The following KLF8 variants were observed in gnomAD, a reference collection of about 807,000 sequenced individuals.
The protein encoded by KLF8 is KLF transcription factor 8, also known as Krueppel-like factor 8.
In KLF8, 10 loss-of-function variants were observed where a neutral mutation model predicts 18.2. The observed-to-expected ratio is 0.55, with a 90% CI of 0.34 to 0.93. The LOEUF is 0.93. Among genes scored for constraint, KLF8 ranks in the 40% least tolerant of loss-of-function variants. KLF8 has a pLI of 0.02. For synonymous variants in KLF8, 109 were observed against 97.3 expected (o/e 1.12, Z -0.71); for missense variants, 264 against 277.9 (o/e 0.95, Z 0.36).
the KLF8 span, among the ~76,000 whole-genome samples, chrX:56,076,269 T>G: frequency 1.9e-5 from 2 of 105,632 alleles, no homozygotes; most frequent in East Asian, 6.0e-4. Context: ...TAGGTATATC[T>G]CCCAATGCTA....
chrX:55,968,748 T>C, the KLF8 span, among the ~76,000 whole-genome samples: 1 of 112,089 alleles, frequency 8.9e-6, no homozygotes, highest in African/African-American at 3.2e-5. Flanking sequence ...CTGCCATGAT[T>C]GTGAGGCCTC....
At chrX:56,190,414 C>G in the KLF8 span, among the ~76,000 whole-genome samples, 15 of 111,724 alleles carry the variant, frequency 1.3e-4, no homozygotes, top group African/African-American at 4.5e-4. Context: ...CAGTATTAGA[C>G]AGATGTTCCA....
At chrX:55,947,546 G>C in the KLF8 span, among the ~76,000 whole-genome samples, 5 of 108,279 alleles carry the variant, frequency 4.6e-5, no homozygotes, top group African/African-American at 1.7e-4. Context: ...TAAATGACGA[G>C]TTAATGGGTG....
chrX:55,956,121 CTATCTATT>C, the KLF8 span, among the ~76,000 whole-genome samples: 16 of 80,861 alleles, frequency 2.0e-4, no homozygotes, highest in East Asian at 2.1e-3. Context: ...TAATAAATAT[CTATCTATT>C]TATCTATCTA....
the KLF8 span, among the ~76,000 whole-genome samples, chrX:56,165,544 C>T: frequency 8.9e-6 from 1 of 111,815 alleles, no homozygotes; most frequent in African/African-American, 3.2e-5. Flanking sequence ...TGTGGGTCTT[C>T]AAAACGTTGT....
chrX:56,164,529 T>C, the KLF8 span, among the ~76,000 whole-genome samples: 4 of 95,610 alleles, frequency 4.2e-5, no homozygotes, highest in Non-Finnish European at 8.3e-5. Context: ...ACTATGAGGT[T>C]GCATTGCACA....
chrX:56,225,614 G>A, the KLF8 span, among the ~76,000 whole-genome samples: 2 of 112,063 alleles, frequency 1.8e-5, no homozygotes, highest in African/African-American at 6.5e-5. Flanking sequence ...CAAAATAATA[G>A]CAAAAATTTA....
chrX:56,221,094 A>G, the KLF8 span, among the ~76,000 whole-genome samples: 2 of 112,430 alleles, frequency 1.8e-5, no homozygotes, highest in African/African-American at 6.5e-5. Flanking sequence ...AATAAGCCAT[A>G]TTGATTATTT....
At chrX:56,178,921 G>GC in the KLF8 span, among the ~76,000 whole-genome samples, 6 of 112,139 alleles carry the variant, frequency 5.4e-5, no homozygotes, top group African/African-American at 1.9e-4. Context: ...CTAGCCTGAT[G>GC]CCTCCAGCAT....
At chrX:56,021,497 G>A in the KLF8 span, among the ~76,000 whole-genome samples, 6 of 110,722 alleles carry the variant, frequency 5.4e-5, no homozygotes, top group South Asian at 3.8e-4. Flanking sequence ...ATATAAAGGG[G>A]TAGAATTGCG....
At chrX:56,057,129 ATGG>A in the KLF8 span, among the ~76,000 whole-genome samples, 1 of 111,423 alleles carries the variant, frequency 9.0e-6, no homozygotes, top group Non-Finnish European at 1.9e-5. Flanking sequence ...AAGGTTCATG[ATGG>A]TGGTGGTGTT....
chrX:56,235,608 G>A (rs1030895371), intron 1 of KLF8, among the ~76,000 whole-genome samples: 7 of 109,393 alleles, frequency 6.4e-5, no homozygotes, highest in Non-Finnish European at 1.3e-4. Context: ...TGGAGACGGG[G>A]TTTCTCCATG....
the KLF8 span, among the ~76,000 whole-genome samples, chrX:56,186,398 G>C: frequency 1.4e-3 from 161 of 111,540 alleles, no homozygotes; most frequent in Non-Finnish European, 2.3e-3. Context: ...GACCTACAAA[G>C]AGACTTAGAC....
chrX:56,078,609 TG>T, the KLF8 span, among the ~76,000 whole-genome samples: 2 of 111,925 alleles, frequency 1.8e-5, 1 homozygote, highest in Non-Finnish European at 3.8e-5. Flanking sequence ...TTCTCTTTTT[TG>T]GTTGTGTCTC....
the KLF8 span, among the ~76,000 whole-genome samples, chrX:56,074,394 T>C: frequency 9.0e-6 from 1 of 111,499 alleles, no homozygotes; most frequent in Admixed American, 9.5e-5. Flanking sequence ...ATTTTACCTC[T>C]ATGTGATCTT....
the KLF8 span, among the ~76,000 whole-genome samples, chrX:56,012,873 T>C: frequency 2.7e-5 from 3 of 111,982 alleles, no homozygotes; most frequent in African/African-American, 9.7e-5. Context: ...CTAAAATTTA[T>C]ATGGAACCAA....
the KLF8 span, among the ~76,000 whole-genome samples, chrX:56,023,209 G>A: frequency 2.7e-5 from 3 of 111,234 alleles, no homozygotes; most frequent in South Asian, 1.1e-3. Context: ...AATTAAGATG[G>A]TATATGGCAA....
the KLF8 span, among the ~76,000 whole-genome samples, chrX:56,057,604 G>T: frequency 9.0e-6 from 1 of 111,334 alleles, no homozygotes; most frequent in African/African-American, 3.3e-5. Flanking sequence ...CAGGTCCCTA[G>T]GGCACTCAAG....
the KLF8 span, among the ~76,000 whole-genome samples, chrX:55,978,801 G>T: frequency 1.8e-5 from 2 of 111,699 alleles, no homozygotes; most frequent in African/African-American, 3.3e-5. Context: ...GTAAGGACAG[G>T]CAGCAATATA....
Sources: allele counts gnomAD v4.1 joint callset (sites outside exome capture counted in the v4.1 genomes callset), GRCh38; gene constraint gnomAD v4.1.1; transcripts MANE v1.5; gene names NCBI Gene and HGNC (gene_info 2026-07-23, HGNC 2026-07-21).